The following EAPP variants were observed in gnomAD, a reference collection of about 807,000 sequenced individuals.
EAPP encodes E2F-associated phosphoprotein.
In EAPP, 38 loss-of-function variants were observed where a neutral mutation model predicts 34.3. That is an observed-to-expected ratio of 1.11 (90% CI 0.85 to 1.45). The LOEUF (loss-of-function observed/expected upper bound fraction) is 1.45. Among genes scored for constraint, EAPP ranks in the 40% most tolerant of loss-of-function variants. The pLI is 0.00. For missense variants in EAPP, 338 were observed against 343.7 expected, an observed-to-expected ratio of 0.98 and a Z score of 0.13; for synonymous variants, 113 against 117.6, an observed-to-expected ratio of 0.96 and a Z score of 0.25.
intron 2 of EAPP, 62 bp downstream of exon 2, chr14:34,536,032 A>G (rs1280712263): frequency 2.1e-5 from 26 of 1,248,446 alleles, no homozygotes; most frequent in Non-Finnish European, 2.9e-5. Context: ...GAAGAGCACA[A>G]ATAAGGTTCC....
At chr14:34,520,915 T>C (rs900084033) in intron 5 of EAPP, among the ~76,000 whole-genome samples, 1 of 152,130 alleles carries the variant, frequency 6.6e-6, no homozygotes, top group African/African-American at 2.4e-5. Flanking sequence ...TTTATCTTGC[T>C]CCTTTCAAGA....
intron 1 of EAPP, chr14:34,539,154 C>T (rs1048474591): frequency 1.5e-5 from 5 of 329,032 alleles, no homozygotes; most frequent in Non-Finnish European, 2.4e-5. Context: ...GTCCTGTGAG[C>T]CTCACAACAA....
At chr14:34,517,439 G>A (rs997578863) in intron 5 of EAPP, among the ~76,000 whole-genome samples, 3 of 151,372 alleles carry the variant, frequency 2.0e-5, no homozygotes, top group African/African-American at 7.3e-5. Context: ...AGTAGAGACA[G>A]GGTTTCACTA....
intron 4 of EAPP, among the ~76,000 whole-genome samples, chr14:34,527,994 T>A (rs1880149746): frequency 6.6e-6 from 1 of 152,046 alleles, no homozygotes; most frequent in Admixed American, 6.6e-5. Context: ...AACTGCTCCT[T>A]GCAGAGCAGG....
In EAPP at chr14:34,529,522, T is replaced by G. The variant is rs772587824; in HGVS notation, c.353-47A>C. The G allele has an allele frequency of 3.9e-6, 5 of 1,270,218 alleles. No homozygotes were observed. The South Asian group carries it at 6.3e-5, about 16-fold the overall frequency. 78.7% of individuals were successfully genotyped at this position (1,270,218 alleles called of 1,614,324 possible). On this transcript the variant is annotated intron_variant, in intron 3 of 5. Transcript: ENST00000250454. ...TATGGCTAAGAATCATGTGTCAAGT[T>G]CACACTTCTTTAAATGAAGAGTCTC...
intron 2 of EAPP, among the ~76,000 whole-genome samples, chr14:34,535,471 C>T (rs555109278): frequency 1.4e-5 from 2 of 141,442 alleles, no homozygotes; most frequent in African/African-American, 5.3e-5. Flanking sequence ...CTCGCTCTGT[C>T]GCTCAGGCTG....
intron 4 of EAPP, among the ~76,000 whole-genome samples, chr14:34,527,525 G>T (rs1176559442): frequency 6.6e-6 from 1 of 152,128 alleles, no homozygotes; most frequent in African/African-American, 2.4e-5. Context: ...AAAAAAAGGT[G>T]GGGGCAGAGG....
rs927093671 is a variant in EAPP at position 34,530,214 on chromosome 14, T to TA, written c.353-740dup. ...AAACTCCGTCTCAAAAAAAAAAAGT[T>TA]AAAAAAAACCCTTCATCTAAACAAG... On this transcript the variant is annotated intron_variant, in intron 3 of 5. Coordinates refer to ENST00000250454, the MANE Select transcript of EAPP (RefSeq NM_018453.4). Among the ~76,000 whole-genome samples, 10 of 150,558 alleles carry TA rather than the reference T, an allele frequency of 6.6e-5. 1 individual carries two copies. In the South Asian group the frequency reaches 1.5e-3, roughly 22 times the overall value.
chr14:34,516,610 A>G, intron 5 of EAPP, 24 bp from the exon 6 acceptor site: 1 of 1,588,594 alleles, frequency 6.3e-7, no homozygotes, highest in African/African-American at 1.4e-5. Flanking sequence ...GAAATGGAGA[A>G]TTGGGGTTTA....
In EAPP at chr14:34,516,358, G is replaced by T; in HGVS notation, c.810C>A (p.Asp270Glu). ...TGAAAAAATGAAAGACTTCATCCTT[G>T]TCGTAGACTGCCACTTCAGTGGAAC... ...TECSTEVAVY[D>E]KDEVFHFFNV... Residue 270 changes from aspartate (D) to glutamate (E), a missense_variant, in exon 6 of 6, where the codon GAC (aspartate) becomes GAA (glutamate). Physicochemically the swap from Asp to Glu is conservative, Grantham distance 45. Coordinates refer to ENST00000250454, the MANE Select transcript of EAPP (RefSeq NM_018453.4). The T allele has an allele frequency of 1.9e-6, 3 of 1,613,934 alleles. No individual in the cohort carries two copies. The highest frequency in any genetic ancestry group is 2.5e-6 in the Non-Finnish European group (3 of 1,179,958).
chr14:34,537,857 G>GTGAAAC (rs1169208637), intron 1 of EAPP, among the ~76,000 whole-genome samples: 5 of 152,134 alleles, frequency 3.3e-5, no homozygotes, highest in Non-Finnish European at 4.4e-5. Flanking sequence ...GTCAGCTACC[G>GTGAAAC]TGAAACAGTT....
intron 1 of EAPP, 176 bp downstream of exon 1, chr14:34,539,379 C>G: frequency 1.4e-6 from 1 of 723,582 alleles, no homozygotes; most frequent in South Asian, 1.5e-5. Context: ...GGCACCGCCT[C>G]CCCCCGGGAC....
In EAPP at chr14:34,529,380, A is replaced by C; in HGVS notation, c.448T>G (p.Trp150Gly). 1 of 1,611,592 alleles carries C rather than the reference A, an allele frequency of 6.2e-7. No homozygotes were observed. The highest frequency in any genetic ancestry group is 1.1e-5 in the South Asian group (1 of 90,882). ...DPEKDNRDQA[W>G]VDAQRRGYHG... ...TACCCCCTTCTCTGTGCATCAACCC[A>C]GGCCTGATCTCTGTTATCTTTTTCA... Residue 150 changes from tryptophan to glycine, a missense_variant, in exon 4 of 6, where the codon TGG (tryptophan) becomes GGG (glycine). Transcript: ENST00000250454.
Position 34,524,779 on chromosome 14 carries a change from G to A in EAPP, c.499C>T (p.Arg167Cys), listed in dbSNP as rs781306099. Residue 167 changes from arginine (R) to cysteine (C), a missense_variant, in exon 5 of 6, where the codon CGT becomes TGT. Physicochemically the swap from Arg to Cys is radical, Grantham distance 180. Coordinates refer to ENST00000250454, the MANE Select transcript of EAPP (RefSeq NM_018453.4). ...CTATTTGGAACAGGCTGTTGTTGAC[G>A]TGATCTCTGTGGTCCCAAACCATGG... ...GYHGLGPQRS[R>C]QQQPVPNSDA... 4.3e-6 allele frequency: 7 copies of A among 1,613,096 alleles called. No homozygotes were observed. Among genetic ancestry groups the A allele is most frequent in the African/African-American group, 2.7e-5 (2 of 74,884 alleles).
intron 5 of EAPP, among the ~76,000 whole-genome samples, chr14:34,523,394 TGCCCG>T (rs1831529857): frequency 1.3e-5 from 2 of 152,016 alleles, no homozygotes; most frequent in Middle Eastern, 3.4e-3. Flanking sequence ...CCCGCCACCA[TGCCCG>T]GCTAATTTTT....
chr14:34,526,674 G>C (rs1880106120), intron 4 of EAPP, among the ~76,000 whole-genome samples: 2 of 151,842 alleles, frequency 1.3e-5, no homozygotes. Context: ...GATTGCTTGA[G>C]CCCAGGAGTT....
At chr14:34,524,657 A>ATG (rs367795110) in intron 5 of EAPP, 40 bp downstream of exon 5, 21,590 of 854,580 alleles carry the variant, frequency 0.025, 228 homozygotes, top group African/African-American at 0.065. Context: ...CAAAATATGT[A>ATG]TGTGTGTGTG....
At position 34,539,661 on chromosome 14, in the gene EAPP, C is replaced by G. The variant is rs775018958; in HGVS notation, c.-33G>C. On this transcript the variant is annotated 5_prime_UTR_variant, in exon 1 of 6. Transcript: ENST00000250454. ...TGCAGCGGCCTACACCGTCCACAAG[C>G]AATTTGCAGCGTCTCTGTTTACACT... The G allele has an allele frequency of 4.0e-6, 6 of 1,513,890 alleles. No individual in the cohort carries two copies. Among genetic ancestry groups the G allele is most frequent in the Middle Eastern group, 1.8e-4 (1 of 5,482 alleles). The allele number at this position is 1,513,890 out of a possible 1,614,324, so 93.8% of individuals were successfully genotyped here.
At chr14:34,523,491 C>T (rs1879988645) in intron 5 of EAPP, among the ~76,000 whole-genome samples, 2 of 148,564 alleles carry the variant, frequency 1.3e-5, no homozygotes, top group Admixed American at 1.4e-4. Context: ...TCCCAAAGTG[C>T]TGGGATTACA....
Sources: allele counts gnomAD v4.1 joint callset (sites outside exome capture counted in the v4.1 genomes callset), GRCh38; gene constraint gnomAD v4.1.1; transcripts MANE v1.5; gene names NCBI Gene and HGNC (gene_info 2026-07-23, HGNC 2026-07-21).